TFDP2: variants seen among roughly 807,000 people sequenced by gnomAD.
The protein encoded by TFDP2 is transcription factor Dp-2, also known as transcription factor Dp-2 (E2F dimerization partner 2).
In TFDP2, 17 loss-of-function variants were observed where a neutral mutation model predicts 59.3. The ratio of observed to expected loss-of-function variants is 0.29; its 90% CI spans 0.20 to 0.43. The LOEUF (loss-of-function observed/expected upper bound fraction) is 0.43, where lower values mean the gene tolerates loss of function less well. TFDP2 is among the 20% of genes least tolerant of loss of function. The probability of loss-of-function intolerance (pLI) is 1.00; values close to 1 mark genes in which losing one functional copy is unlikely to be tolerated. For synonymous variants in TFDP2, 180 were observed against 194.7 expected (o/e 0.92, Z 0.63); for missense variants, 391 against 528.8 (o/e 0.74, Z 2.56).
At chr3:142,040,878 T>G (rs1373792241) in intron 3 of TFDP2, among the ~76,000 whole-genome samples, 1 of 152,160 alleles carries the variant, frequency 6.6e-6, no homozygotes, top group Non-Finnish European at 1.5e-5. Flanking sequence ...CACTGCAGCC[T>G]GGATGACAGA....
intron 3 of TFDP2, among the ~76,000 whole-genome samples, chr3:142,050,070 G>A (rs959701365): frequency 6.6e-6 from 1 of 151,452 alleles, no homozygotes; most frequent in African/African-American, 2.4e-5. Flanking sequence ...TCAGGAGTTC[G>A]AGCCTGGCCA....
chr3:142,044,240 T>G (rs868634027), intron 3 of TFDP2: 5,324 of 243,444 alleles, frequency 0.022, 319 homozygotes, highest in African/African-American at 0.12. Flanking sequence ...TTTTTTTTTT[T>G]TTTTTTTTTT....
At chr3:142,004,835 C>A (rs1052462985) in intron 4 of TFDP2, among the ~76,000 whole-genome samples, 4 of 152,088 alleles carry the variant, frequency 2.6e-5, no homozygotes, top group African/African-American at 9.7e-5. Flanking sequence ...TAAAGCATAA[C>A]ACATTTCAAA....
chr3:142,011,632 GAA>G (rs753672573), intron 3 of TFDP2, among the ~76,000 whole-genome samples: 9,557 of 124,264 alleles, frequency 0.077, 421 homozygotes, highest in Non-Finnish European at 0.12. Flanking sequence ...GGAAAACAAG[GAA>G]AAAAAAAAAA....
At position 142,101,790 on chromosome 3, in the gene TFDP2, A is replaced by G; in HGVS notation, c.-41T>C. 8.0e-7 allele frequency: 1 copy of G among 1,245,732 alleles called. No homozygotes were observed. Among genetic ancestry groups the G allele is most frequent in the Non-Finnish European group, 1.1e-6 (1 of 945,914 alleles). The allele number at this position is 1,245,732 out of a possible 1,614,324, so 77.2% of individuals were successfully genotyped here. A position where few individuals can be genotyped will look rare whatever the true frequency, so the allele number is the denominator to read the frequency against. ...ATTTAAGATTCTGTAAAGCCATTAAAAAAATAAAAAGAAAAAAACCTTCGT... is the reference window on the plus strand; with the variant it reads ...ATTTAAGATTCTGTAAAGCCATTAAGAAAATAAAAAGAAAAAAACCTTCGT... On this transcript the variant is annotated 5_prime_UTR_variant, in exon 2 of 13. Transcript: ENST00000489671.
chr3:142,034,049 T>C (rs1946558287), intron 3 of TFDP2, among the ~76,000 whole-genome samples: 1 of 152,088 alleles, frequency 6.6e-6, no homozygotes. Context: ...TAAAATTTTT[T>C]AGTGTGGTAT....
intron 8 of TFDP2, among the ~76,000 whole-genome samples, chr3:141,973,117 A>ATTT (rs1341899168): frequency 1.1e-5 from 1 of 91,858 alleles, no homozygotes; most frequent in Non-Finnish European, 2.4e-5. Flanking sequence ...ATATATATAT[A>ATTT]TATATATTTT....
rs573915425 is a variant in TFDP2, at chr3:142,119,345, A to C, written c.-92-17504T>G. Among the ~76,000 whole-genome samples, 8 of 152,358 alleles carry C rather than the reference A, an allele frequency of 5.3e-5. No individual in the cohort carries two copies. The Middle Eastern group carries it at 0.017, about 324-fold the overall frequency. On this transcript the variant is annotated intron_variant, in intron 1 of 12. Coordinates refer to ENST00000489671, the MANE Select transcript of TFDP2 (RefSeq NM_001178139.2). ...CGAGCAAAAAGATAAATTATTTACA[A>C]AAGCAAAGGAATTAGACTAACATTG...
chr3:142,121,862 AAC>A lies in TFDP2; in HGVS notation c.-92-20023_-92-20022del. 6.6e-6 allele frequency among the ~76,000 whole-genome samples: 1 copy of A among 152,144 alleles called. No individual in the cohort carries two copies. The highest frequency in any genetic ancestry group is 2.4e-5 in the African/African-American group (1 of 41,496). On this transcript the variant is annotated intron_variant, in intron 1 of 12. Transcript: ENST00000489671. The surrounding 1 kb of genome is among the most constrained non-coding windows in gnomAD (Gnocchi z 4.3). ...AAAAATACGAAGTTAAAAAAAAAAA[AAC>A]TTCATTGTAGACATTTCTGAGGTTC...
At chr3:142,140,882 AAAC>A (rs1471907700) in intron 1 of TFDP2, among the ~76,000 whole-genome samples, 1 of 152,186 alleles carries the variant, frequency 6.6e-6, no homozygotes, top group African/African-American at 2.4e-5. Context: ...CTCAGAGCTC[AAAC>A]ACCATGCTGG....
At position 141,959,840 on chromosome 3, in the gene TFDP2, C is replaced by G. The variant is rs1230609185; in HGVS notation, c.885G>C (p.Lys295Asn). The change falls in exon 11 of 13, where the codon AAG becomes AAC. Residue 295 changes from lysine to asparagine, a missense_variant and splice_region_variant. This residue lies in a region of TFDP2 where 223 missense variants were observed against 292.5 expected (regional missense o/e 0.76). Transcript: ENST00000489671. ...TVIDCSISSD[K>N]FEYLFNFDNT... ...TGTCAAAATTGAAAAGATACTCAAA[C>G]CTGCATCAGGAAACAAAGTAAAGGG... 2 of 1,613,840 alleles carry G rather than the reference C, an allele frequency of 1.2e-6. 1 individual carries two copies. Among genetic ancestry groups the G allele is most frequent in the Admixed American group, 3.3e-5 (2 of 59,996 alleles).
intron 1 of TFDP2, among the ~76,000 whole-genome samples, chr3:142,147,001 G>T (rs1167548852): frequency 6.8e-6 from 1 of 147,328 alleles, no homozygotes. Flanking sequence ...GAGGTGGGAG[G>T]ATCACTTGAG....
intron 3 of TFDP2, among the ~76,000 whole-genome samples, chr3:142,059,950 T>C (rs2059863226): frequency 6.6e-6 from 1 of 152,214 alleles, no homozygotes; most frequent in African/African-American, 2.4e-5. Context: ...ACGTTTTTTC[T>C]AGTTCTCTTT....
intron 4 of TFDP2, among the ~76,000 whole-genome samples, chr3:142,000,980 G>C (rs893249582): frequency 1.3e-5 from 2 of 152,194 alleles, no homozygotes; most frequent in African/African-American, 4.8e-5. Flanking sequence ...TCCTGGGTTA[G>C]AGTTTGAGTC....
At chr3:141,981,079 C>T (rs1941439000) in intron 6 of TFDP2, among the ~76,000 whole-genome samples, 1 of 152,082 alleles carries the variant, frequency 6.6e-6, no homozygotes, top group Admixed American at 6.6e-5. Context: ...CCCAGAGCAA[C>T]TTCCAGTCCT....
At chr3:142,095,534 TAA>T (rs1183249745) in intron 2 of TFDP2, among the ~76,000 whole-genome samples, 1 of 152,252 alleles carries the variant, frequency 6.6e-6, no homozygotes, top group Non-Finnish European at 1.5e-5. Context: ...TAGCTGAGAC[TAA>T]GTCATCTAGA....
chr3:141,965,537 A>G (rs1465181573), intron 9 of TFDP2, among the ~76,000 whole-genome samples: 2 of 133,018 alleles, frequency 1.5e-5, no homozygotes, highest in Non-Finnish European at 3.2e-5. Context: ...AAGGGAAGAG[A>G]AGGGAGGGGA....
At chr3:142,143,799 G>T (rs531621182) in intron 1 of TFDP2, among the ~76,000 whole-genome samples, 23 of 152,330 alleles carry the variant, frequency 1.5e-4, no homozygotes, top group African/African-American at 5.5e-4. Context: ...TCAAACTGTT[G>T]ATGGGAACGT....
intron 7 of TFDP2, among the ~76,000 whole-genome samples, chr3:141,977,107 T>TATATATATATATATATATATA (rs1491255094): frequency 1.7e-4 from 15 of 86,632 alleles, no homozygotes; most frequent in African/African-American, 7.6e-4. Flanking sequence ...TATATATATA[T>TATATATATATATATATATATA]TTTTTTTTTT....
Sources: gnomAD v4.1 joint callset for allele counts (sites outside exome capture counted in the v4.1 genomes callset) on GRCh38, gnomAD v4.1.1 for gene constraint, gnomAD v4.1.1 regional missense constraint, Gnocchi (gnomAD v3.1) non-coding constraint, MANE v1.5 for transcripts, NCBI Gene and HGNC (gene_info 2026-07-23, HGNC 2026-07-21) for gene names.